GPRIN3: variants seen among roughly 807,000 people sequenced by gnomAD.
GPRIN3 encodes G protein-regulated inducer of neurite outgrowth 3.
In GPRIN3, 12 loss-of-function variants were observed where a neutral mutation model predicts 13.7. That is an observed-to-expected ratio of 0.87 (90% CI 0.56 to 1.42). The LOEUF (loss-of-function observed/expected upper bound fraction) is 1.42, where lower values mean the gene tolerates loss of function less well. GPRIN3 is among the 40% of genes most tolerant of loss of function. The probability of loss-of-function intolerance (pLI) is 0.00; values close to 1 mark genes in which losing one functional copy is unlikely to be tolerated. For synonymous variants in GPRIN3, 377 were observed against 372.7 expected (o/e 1.01, Z -0.13); for missense variants, 1,009 against 958.7 (o/e 1.05, Z -0.69).
In GPRIN3 at chr4:89,237,595, C is replaced by T. The variant is rs1212125030; in HGVS notation, c.*10185G>A. On this transcript the variant is annotated 3_prime_UTR_variant, in exon 2 of 2. Coordinates refer to ENST00000609438, the MANE Select transcript of GPRIN3 (RefSeq NM_198281.3). ...AGCCGGCAAGTAGGCCCTCACCAGA[C>T]ACCAAATTGGCCTTGATTTTGGGGT... 6.6e-6 allele frequency: 1 copy of T among 152,166 alleles called. No individual in the cohort carries two copies. Among genetic ancestry groups the T allele is most frequent in the Non-Finnish European group, 1.5e-5 (1 of 68,046 alleles). 9.4% of individuals were successfully genotyped at this position (152,166 alleles called of 1,614,324 possible).
At chr4:89,287,995 A>G (rs1190989473) in intron 1 of GPRIN3, among the ~76,000 whole-genome samples, 1 of 152,146 alleles carries the variant, frequency 6.6e-6, no homozygotes, top group Non-Finnish European at 1.5e-5. Flanking sequence ...CTTTTCATCA[A>G]TTTTCTTGGG....
intron 1 of GPRIN3, among the ~76,000 whole-genome samples, chr4:89,301,302 A>G (rs1293220293): frequency 6.6e-6 from 1 of 152,218 alleles, no homozygotes; most frequent in Non-Finnish European, 1.5e-5. Context: ...CATATCACAG[A>G]GTCAAAAGGA....
intron 1 of GPRIN3, among the ~76,000 whole-genome samples, chr4:89,300,141 GT>G (rs1188959301): frequency 1.3e-5 from 2 of 152,090 alleles, no homozygotes; most frequent in Non-Finnish European, 2.9e-5. Context: ...GTTAATGGGG[GT>G]TAACTATATT....
At chr4:89,307,269 T>TCACA (rs57752539) in intron 1 of GPRIN3, among the ~76,000 whole-genome samples, 8,476 of 147,200 alleles carry the variant, frequency 0.058, 667 homozygotes, top group African/African-American at 0.18. Context: ...GAGACAAATG[T>TCACA]CACACACACA....
At chr4:89,291,368 G>C (rs1578111006) in intron 1 of GPRIN3, among the ~76,000 whole-genome samples, 1 of 151,418 alleles carries the variant, frequency 6.6e-6, no homozygotes, top group East Asian at 1.9e-4. Flanking sequence ...CTTTAATGCA[G>C]ACCTCTTTCT....
chr4:89,249,108 T>G lies in GPRIN3; in HGVS notation c.1003A>C (p.Thr335Pro). 6.2e-7 allele frequency: 1 copy of G among 1,614,170 alleles called. No homozygotes were observed. Among genetic ancestry groups the G allele is most frequent in the Non-Finnish European group, 8.5e-7 (1 of 1,180,026 alleles). ...VASVESRSVS[T>P]SPSILTAFLK... ...AATGCAGTGAGGATACTGGGGCTGGTGGAGACGGATCTGCTCTCGACACTC... is the reference window on the plus strand; with the variant it reads ...AATGCAGTGAGGATACTGGGGCTGGGGGAGACGGATCTGCTCTCGACACTC... The change falls in exon 2 of 2, where the codon ACC (threonine) becomes CCC (proline). Residue 335 changes from threonine (T) to proline (P), a missense_variant. Physicochemically the swap from Thr to Pro is conservative, Grantham distance 38 (BLOSUM62 -1). Coordinates refer to ENST00000609438, the MANE Select transcript of GPRIN3 (RefSeq NM_198281.3).
chr4:89,287,081 A>T lies in GPRIN3; in HGVS notation c.-124+20534T>A, dbSNP rs115897994. ...TCAATGGAAAACAAATGAATTCAAG[A>T]ACTATTTATTGAGGCTTCTTATGTA... On this transcript the variant is annotated intron_variant, in intron 1 of 1. Transcript: ENST00000609438. 6.5e-3 allele frequency among the ~76,000 whole-genome samples: 997 copies of T among 152,346 alleles called. 11 individuals are homozygous for T. Among genetic ancestry groups the T allele is most frequent in the African/African-American group, 0.023 (960 of 41,574 alleles).
intron 1 of GPRIN3, among the ~76,000 whole-genome samples, chr4:89,260,593 G>C (rs1375169800): frequency 6.6e-6 from 1 of 152,216 alleles, no homozygotes; most frequent in East Asian, 1.9e-4. Context: ...AAGTGAGCAA[G>C]AGTGTATATA....
chr4:89,261,387 G>A lies in GPRIN3; in HGVS notation c.-123-11154C>T, dbSNP rs533643618. On this transcript the variant is annotated intron_variant, in intron 1 of 1. Coordinates refer to ENST00000609438, the MANE Select transcript of GPRIN3 (RefSeq NM_198281.3). ...TGAAAGAACCACTGATCCAGGAGGT[G>A]AGCATATTTACCTTTGATAGACAGA... Among the ~76,000 whole-genome samples, 8 of 152,312 alleles carry A rather than the reference G, an allele frequency of 5.3e-5. No homozygotes were observed. In the East Asian group the frequency reaches 1.2e-3, roughly 22 times the overall value.
At chr4:89,292,774 A>G (rs1010102753) in intron 1 of GPRIN3, among the ~76,000 whole-genome samples, 1 of 152,226 alleles carries the variant, frequency 6.6e-6, no homozygotes, top group Non-Finnish European at 1.5e-5. Context: ...AATAAATAAA[A>G]GAAACATGGG....
chr4:89,244,268 T>A lies in GPRIN3; in HGVS notation c.*3512A>T, dbSNP rs1321837357. 6.6e-6 allele frequency: 1 copy of A among 152,182 alleles called. No individual in the cohort carries two copies. Among genetic ancestry groups the A allele is most frequent in the Non-Finnish European group, 1.5e-5 (1 of 68,008 alleles). The allele number at this position is 152,182 out of a possible 1,614,324, so 9.4% of individuals were successfully genotyped here. A position where few individuals can be genotyped will look rare whatever the true frequency, so the allele number is the denominator to read the frequency against. The stretch of plus-strand genomic sequence containing the variant: ...TGAAATCCAACCTCTAAGGTATATG[T>A]TACACATGCATATTTAGTTCAATTT... On this transcript the variant is annotated 3_prime_UTR_variant, in exon 2 of 2. Transcript: ENST00000609438.
chr4:89,282,834 T>C (rs1394693984), intron 1 of GPRIN3, among the ~76,000 whole-genome samples: 1 of 152,154 alleles, frequency 6.6e-6, no homozygotes, highest in Non-Finnish European at 1.5e-5. Context: ...GAACTATGAA[T>C]CACAGTCTCA....
At chr4:89,282,032 T>C (rs1724266563) in intron 1 of GPRIN3, among the ~76,000 whole-genome samples, 1 of 151,896 alleles carries the variant, frequency 6.6e-6, no homozygotes, top group African/African-American at 2.4e-5. Flanking sequence ...GTAGTCTCAG[T>C]ATCCTGCATG....
chr4:89,268,744 T>C (rs1328614449), intron 1 of GPRIN3, among the ~76,000 whole-genome samples: 5 of 152,304 alleles, frequency 3.3e-5, no homozygotes, highest in African/African-American at 7.2e-5. Flanking sequence ...CAGAGCTGGT[T>C]GTGTTCATCT....
intron 1 of GPRIN3, among the ~76,000 whole-genome samples, chr4:89,253,215 T>C (rs1469472533): frequency 6.6e-6 from 1 of 152,142 alleles, no homozygotes; most frequent in Non-Finnish European, 1.5e-5. Context: ...TGCAGGGTCT[T>C]GTGCATAAAA....
chr4:89,261,401 T>C (rs1188524738), intron 1 of GPRIN3, among the ~76,000 whole-genome samples: 5 of 152,164 alleles, frequency 3.3e-5, no homozygotes, highest in African/African-American at 2.4e-5. Context: ...ATATTTACCT[T>C]TGATAGACAG....
At position 89,240,037 on chromosome 4, in the gene GPRIN3, G is replaced by A. The variant is rs975436429; in HGVS notation, c.*7743C>T. 1 of 152,136 alleles carries A rather than the reference G, an allele frequency of 6.6e-6. No homozygotes were observed. The highest frequency in any genetic ancestry group is 1.5e-5 in the Non-Finnish European group (1 of 68,018). The allele number at this position is 152,136 out of a possible 1,614,324, so 9.4% of individuals were successfully genotyped here. A position where few individuals can be genotyped will look rare whatever the true frequency, so the allele number is the denominator to read the frequency against. ...AGGATTCAAGGTCAAATTGTGTTAGGTTTTAAGAACCAGGTGAGACTTTTT... is the reference window on the plus strand; with the variant it reads ...AGGATTCAAGGTCAAATTGTGTTAGATTTTAAGAACCAGGTGAGACTTTTT... On this transcript the variant is annotated 3_prime_UTR_variant, in exon 2 of 2. Coordinates refer to ENST00000609438, the MANE Select transcript of GPRIN3 (RefSeq NM_198281.3).
At chr4:89,285,349 A>AT (rs1342822095) in intron 1 of GPRIN3, among the ~76,000 whole-genome samples, 12 of 108,672 alleles carry the variant, frequency 1.1e-4, no homozygotes, top group Non-Finnish European at 2.4e-4. Flanking sequence ...AAGTATAATA[A>AT]TTAAAAAAAA....
Position 89,247,713 on chromosome 4 carries a change from G to T in GPRIN3, c.*67C>A. 2.0e-6 allele frequency: 3 copies of T among 1,473,724 alleles called. No individual in the cohort carries two copies. The highest frequency in any genetic ancestry group is 1.4e-5 in the African/African-American group (1 of 70,996). 91.3% of individuals were successfully genotyped at this position (1,473,724 alleles called of 1,614,324 possible). A position where few individuals can be genotyped will look rare whatever the true frequency, so the allele number is the denominator to read the frequency against. On this transcript the variant is annotated 3_prime_UTR_variant, in exon 2 of 2. Coordinates refer to ENST00000609438, the MANE Select transcript of GPRIN3 (RefSeq NM_198281.3). ...AGTCTTGCAGCAAAAAACTAAGCAA[G>T]CTTTGACATAGAGGGACGCATGTGA...
Sources: gnomAD v4.1 joint callset for allele counts (sites outside exome capture counted in the v4.1 genomes callset) on GRCh38, gnomAD v4.1.1 for gene constraint, MANE v1.5 for transcripts, NCBI Gene and HGNC (gene_info 2026-07-23, HGNC 2026-07-21) for gene names.